CSMD1: variants seen among roughly 807,000 people sequenced by gnomAD.
CSMD1 encodes the protein CUB and sushi domain-containing protein 1.
A neutral mutation model predicts 417.5 loss-of-function variants in CSMD1; 213 were observed. The ratio of observed to expected loss-of-function variants is 0.51; its 90% CI spans 0.46 to 0.57. CSMD1 has a LOEUF of 0.57. Ranked by LOEUF, CSMD1 falls within the 20% of genes least tolerant of loss-of-function variation. The probability of loss-of-function intolerance (pLI) is 0.00; values close to 1 mark genes in which losing one functional copy is unlikely to be tolerated. For missense variants in CSMD1, 6,923 were observed against 4,529.7 expected (o/e 1.53, Z -15.17); for synonymous variants, 2,862 against 1,736.8 (o/e 1.65, Z -16.11).
intron 3 of CSMD1, among the ~76,000 whole-genome samples, chr8:4,120,156 T>G (rs1033139172): frequency 1.3e-5 from 2 of 152,090 alleles, no homozygotes; most frequent in Non-Finnish European, 2.9e-5. Context: ...TATCAAAACA[T>G]CTCACGTACC....
intron 18 of CSMD1, among the ~76,000 whole-genome samples, chr8:3,373,028 G>A (rs968316020): frequency 1.3e-5 from 2 of 152,140 alleles, no homozygotes; most frequent in Admixed American, 6.5e-5. Context: ...TTATGAAGAC[G>A]ATCACCATAA....
chr8:3,529,816 C>A (rs1293372965), intron 10 of CSMD1, among the ~76,000 whole-genome samples: 4 of 152,164 alleles, frequency 2.6e-5, no homozygotes, highest in Admixed American at 1.3e-4. Context: ...AATTTTCCCA[C>A]TCTCAGTGAT....
intron 3 of CSMD1, among the ~76,000 whole-genome samples, chr8:4,356,596 G>T (rs1410374540): frequency 6.6e-6 from 1 of 152,092 alleles, no homozygotes; most frequent in Non-Finnish European, 1.5e-5. Context: ...CCTCTATCCT[G>T]TAAGCATCTT....
At chr8:4,206,460 T>C (rs1288645918) in intron 3 of CSMD1, among the ~76,000 whole-genome samples, 3 of 152,190 alleles carry the variant, frequency 2.0e-5, no homozygotes, top group African/African-American at 7.2e-5. Context: ...CTTGTGATAG[T>C]TTGCTCAGAA....
chr8:4,322,663 G>C lies in CSMD1; in HGVS notation c.415+97290C>G, dbSNP rs544906569. Among the ~76,000 whole-genome samples, 3 of 152,324 alleles carry C rather than the reference G, an allele frequency of 2.0e-5. No homozygotes were observed. The South Asian group carries it at 6.2e-4, about 32-fold the overall frequency. ...AATCTAAGAATAATCACTGTCTACA[G>C]AATATTGCTTATTTTCAAAGAGATG... On this transcript the variant is annotated intron_variant, in intron 3 of 69. Coordinates refer to ENST00000635120, the MANE Select transcript of CSMD1 (RefSeq NM_033225.6).
rs1233901486 is a variant in CSMD1, at chr8:2,947,964, CT to C, written c.10402+1334del. Among the ~76,000 whole-genome samples, 13 of 148,286 alleles carry C rather than the reference CT, an allele frequency of 8.8e-5. No homozygotes were observed. The Admixed American group carries it at 8.8e-4, about 10-fold the overall frequency. On this transcript the variant is annotated intron_variant, in intron 68 of 69. Coordinates refer to ENST00000635120, the MANE Select transcript of CSMD1 (RefSeq NM_033225.6). ...TTTGGCTTTTCTACAGGCCAGTAGA[CT>C]TTTTTTATATTCAGCACTTTGATAA...
chr8:3,284,662 C>T (rs980031495), intron 25 of CSMD1: 3 of 296,190 alleles, frequency 1.0e-5, no homozygotes, highest in Non-Finnish European at 1.9e-5. Flanking sequence ...TTTAAGCTTT[C>T]TACGGCACAC....
In CSMD1 at chr8:3,087,274, T is replaced by C. The variant is rs1179351717; in HGVS notation, c.7297A>G (p.Ser2433Gly). 6.2e-7 allele frequency: 1 copy of C among 1,613,766 alleles called. No homozygotes were observed. The highest frequency in any genetic ancestry group is 2.2e-5 in the East Asian group (1 of 44,878). Residue 2433 changes from serine (S) to glycine (G), a missense_variant, in exon 49 of 70, where the codon AGT (serine) becomes GGT (glycine). Transcript: ENST00000635120. ...FKIRYAAPYCSLTHPLKNGGI... is the reference protein window; with the variant it reads ...FKIRYAAPYCGLTHPLKNGGI... ...CCATTCTTCAGGGGGTGGGTCAAAC[T>C]GCAGTAAGGTGCTGTGGGCAGACAG...
intron 2 of CSMD1, among the ~76,000 whole-genome samples, chr8:4,598,519 T>C (rs1800402317): frequency 6.6e-6 from 1 of 152,200 alleles, no homozygotes; most frequent in Non-Finnish European, 1.5e-5. Flanking sequence ...CAGGTGTGGC[T>C]GCTTAGTTAC....
intron 1 of CSMD1, among the ~76,000 whole-genome samples, chr8:4,695,820 T>C (rs1216939622): frequency 6.6e-6 from 1 of 152,236 alleles, no homozygotes; most frequent in East Asian, 1.9e-4. Flanking sequence ...CTGGGCAATT[T>C]AATTTTAAAA....
At position 4,267,138 on chromosome 8, in the gene CSMD1, A is replaced by C. The variant is rs1392568542; in HGVS notation, c.415+152815T>G. On this transcript the variant is annotated intron_variant, in intron 3 of 69. Transcript: ENST00000635120. ...TCTAATGCAATTAGTTGGGAGAATT[A>C]AATAAGTATAATTATTTGAAACAGT... is the stretch of plus-strand genomic sequence containing the variant. Among the ~76,000 whole-genome samples, 27 of 103,468 alleles carry C rather than the reference A, an allele frequency of 2.6e-4. 9 individuals carry two copies. In the Middle Eastern group the frequency reaches 0.037, roughly 144 times the overall value. 67.9% of individuals were successfully genotyped at this position (103,468 alleles called of 152,430 possible).
Position 2,957,696 on chromosome 8 carries a change from G to T in CSMD1, c.9814C>A (p.Pro3272Thr). 6.4e-7 allele frequency: 1 copy of T among 1,562,016 alleles called. No homozygotes were observed. ...TGGGGGTGGAAGAAATCACACTTAC[G>T]TATACATTCGGTCTGTATCCCACTC... Reference protein sequence around the residue: ...TWSGIQTECIPHACRQPETPA... With the variant: ...TWSGIQTECITHACRQPETPA... Residue 3272 changes from proline (P) to threonine (T), a missense_variant and splice_region_variant, in exon 63 of 70, where the codon CCT becomes ACT. Transcript: ENST00000635120.
chr8:3,252,092 C>A (rs1356724456), intron 26 of CSMD1, among the ~76,000 whole-genome samples: 3 of 152,204 alleles, frequency 2.0e-5, no homozygotes, highest in Non-Finnish European at 4.4e-5. Context: ...GAACTTCCAA[C>A]ACTATGTTGA....
intron 8 of CSMD1, among the ~76,000 whole-genome samples, chr8:3,586,713 A>G (rs1301633784): frequency 2.0e-5 from 3 of 152,362 alleles, no homozygotes; most frequent in East Asian, 3.9e-4. Flanking sequence ...GTATTTTGCT[A>G]TCACACATGT....
In CSMD1 at chr8:3,974,082, G is replaced by C. The variant is rs553343126; in HGVS notation, c.818+23821C>G. Among the ~76,000 whole-genome samples the C allele has an allele frequency of 6.6e-5, 10 of 151,828 alleles. No homozygotes were observed. The South Asian group carries it at 1.9e-3, about 28-fold the overall frequency. Reference sequence around the variant, plus strand: ...TCCTCGTTGTGCTCTGAAATGGTAGGTCTTATTTATTATTTCTAATTACTT... The same window carrying C: ...TCCTCGTTGTGCTCTGAAATGGTAGCTCTTATTTATTATTTCTAATTACTT... On this transcript the variant is annotated intron_variant, in intron 5 of 69. Coordinates refer to ENST00000635120, the MANE Select transcript of CSMD1 (RefSeq NM_033225.6).
At chr8:4,161,725 G>A (rs1584935385) in intron 3 of CSMD1, among the ~76,000 whole-genome samples, 1 of 152,226 alleles carries the variant, frequency 6.6e-6, no homozygotes, top group East Asian at 1.9e-4. Context: ...AACCATTGCT[G>A]CCATCATTTT....
At chr8:3,607,881 A>C (rs183773103) in intron 8 of CSMD1, among the ~76,000 whole-genome samples, 1 of 152,248 alleles carries the variant, frequency 6.6e-6, no homozygotes, top group Non-Finnish European at 1.5e-5. Context: ...TAAGAAGTAA[A>C]GGAAGTAGCC....
chr8:4,171,694 A>C (rs80006269), intron 3 of CSMD1, among the ~76,000 whole-genome samples: 2,551 of 149,798 alleles, frequency 0.017, 122 homozygotes, highest in African/African-American at 0.059. Context: ...AACAAAGTTA[A>C]TTTGCTTATT....
intron 7 of CSMD1, among the ~76,000 whole-genome samples, chr8:3,680,682 A>C (rs1799606845): frequency 6.6e-6 from 1 of 152,208 alleles, no homozygotes; most frequent in Admixed American, 6.5e-5. Context: ...TCCCTAACTC[A>C]TTTCATGAGG....
Sources: gnomAD v4.1 joint callset for allele counts (sites outside exome capture counted in the v4.1 genomes callset) on GRCh38, gnomAD v4.1.1 for gene constraint, MANE v1.5 for transcripts, NCBI Gene and HGNC (gene_info 2026-07-23, HGNC 2026-07-21) for gene names.